ACAD10: variants seen among roughly 807,000 people sequenced by gnomAD.
ACAD10 encodes the protein ACAD-10.
In ACAD10, 112 loss-of-function variants were observed where a neutral mutation model predicts 116.8. That is an observed-to-expected ratio of 0.96 (90% CI 0.82 to 1.12). The LOEUF (loss-of-function observed/expected upper bound fraction) is 1.12, where lower values mean the gene tolerates loss of function less well. Ranked by LOEUF, ACAD10 falls within the 50% of genes most tolerant of loss-of-function variation. The pLI, the probability that ACAD10 is intolerant of heterozygous loss-of-function variation, is 0.00. For missense variants in ACAD10, 1,259 were observed against 1,350.2 expected (o/e 0.93, Z 1.06); for synonymous variants, 486 against 510.6 (o/e 0.95, Z 0.65).
In ACAD10 at chr12:111,724,246, TGGC is replaced by T. The variant is rs551238775; in HGVS notation, c.1061+2511_1061+2513del. On this transcript the variant is annotated intron_variant, in intron 8 of 20. Coordinates refer to ENST00000313698, the MANE Select transcript of ACAD10 (RefSeq NM_025247.6). ...TGATGGCGTCACTTCCTAGATGTGA[TGGC>T]GGCCGGGAAGAGGTGCTCCTCACTT... Among the ~76,000 whole-genome samples the T allele has an allele frequency of 3.5e-3, 528 of 149,334 alleles. 2 individuals carry two copies. The highest frequency in any genetic ancestry group is 0.012 in the African/African-American group (488 of 40,116).
At position 111,736,978 on chromosome 12, in the gene ACAD10, A is replaced by G. The variant is rs528862156; in HGVS notation, c.1688A>G (p.Gln563Arg). 31 of 1,613,774 alleles carry G rather than the reference A, an allele frequency of 1.9e-5. No homozygotes were observed. In the East Asian group the frequency reaches 4.2e-4, roughly 22 times the overall value. ...TTTTTCCGTGTGGCTGCAATCCTAC[A>G]GGGAGTCTACAAGCGATCACTCACA... The part of the protein sequence containing the change: ...FSFFRVAAIL[Q>R]GVYKRSLTGQ... Residue 563 changes from glutamine to arginine, a missense_variant, in exon 12 of 21, where the codon CAG becomes CGG. Gln to Arg is a conservative substitution (Grantham distance 43). Transcript: ENST00000313698.
Position 111,736,957 on chromosome 12 carries a change from T to C in ACAD10, c.1667T>C (p.Phe556Ser), listed in dbSNP as rs757093336. ...AACTTCTATATGGCTTTTTCCTTTT[T>C]CCGTGTGGCTGCAATCCTACAGGGA... ...NWNFYMAFSF[F>S]RVAAILQGVY... is the part of the protein sequence containing the mutation. Residue 556 changes from phenylalanine (F) to serine (S), a missense_variant, in exon 12 of 21, where the codon TTC (phenylalanine) becomes TCC (serine). By Grantham distance (155) the Phe-to-Ser change is radical (BLOSUM62 -2). Coordinates refer to ENST00000313698, the MANE Select transcript of ACAD10 (RefSeq NM_025247.6). 34 of 1,613,926 alleles carry C rather than the reference T, an allele frequency of 2.1e-5. No individual in the cohort carries two copies. The highest frequency in any genetic ancestry group is 2.9e-5 in the Non-Finnish European group (34 of 1,179,974).
chr12:111,719,220 C>A (rs1017267230), intron 7 of ACAD10, among the ~76,000 whole-genome samples: 6 of 152,020 alleles, frequency 3.9e-5, no homozygotes, highest in African/African-American at 1.4e-4. Context: ...TAGTTTAATT[C>A]CATTGAAGTC....
At chr12:111,728,258 C>T in intron 9 of ACAD10, 115 bp downstream of exon 9, 3 of 1,026,304 alleles carry the variant, frequency 2.9e-6, no homozygotes, top group Non-Finnish European at 4.1e-6. Flanking sequence ...GTAAGGCAGA[C>T]TTAGCTTCTT....
At chr12:111,717,643 A>T (rs2135962423) in intron 7 of ACAD10, among the ~76,000 whole-genome samples, 1 of 151,168 alleles carries the variant, frequency 6.6e-6, no homozygotes, top group South Asian at 2.1e-4. Context: ...ATACCTCACT[A>T]TAATCTCGAA....
chr12:111,708,704 A>G (rs950033828), intron 4 of ACAD10, among the ~76,000 whole-genome samples: 3 of 152,048 alleles, frequency 2.0e-5, no homozygotes, highest in African/African-American at 7.2e-5. Context: ...GGTATTGGTT[A>G]TAGGCTATGT....
intron 8 of ACAD10, among the ~76,000 whole-genome samples, chr12:111,724,198 A>C (rs1889143632): frequency 6.7e-6 from 1 of 150,032 alleles, no homozygotes; most frequent in Non-Finnish European, 1.5e-5. Context: ...GGCCGGGCAG[A>C]GACGCTCCTC....
intron 9 of ACAD10, 132 bp downstream of exon 9, chr12:111,728,275 A>G: frequency 3.3e-6 from 3 of 911,394 alleles, no homozygotes; most frequent in Non-Finnish European, 4.7e-6. Flanking sequence ...TCTTCCTTGG[A>G]AATCCAGTTT....
chr12:111,728,981 C>T (rs926468517), intron 9 of ACAD10, among the ~76,000 whole-genome samples: 1 of 152,042 alleles, frequency 6.6e-6, no homozygotes, highest in Non-Finnish European at 1.5e-5. Context: ...GCAGCCAGCC[C>T]TCATGTAGTT....
chr12:111,736,892 G>GTAC lies in ACAD10; in HGVS notation c.1604_1606dup (p.Tyr535dup). 6.2e-7 allele frequency: 1 copy of GTAC among 1,614,190 alleles called. No homozygotes were observed. The highest frequency in any genetic ancestry group is 8.5e-7 in the Non-Finnish European group (1 of 1,180,026). Reference sequence around the variant, plus strand: ...CTGCTGCAGAGGAGTATTTCAGGATGTACTGTCTCCAAATGGGGCTCCCTC... The same window carrying GTAC: ...CTGCTGCAGAGGAGTATTTCAGGATGTACTACTGTCTCCAAATGGGGCTCCCTC... On this transcript the variant is annotated inframe_insertion, in exon 12 of 21. Coordinates refer to ENST00000313698, the MANE Select transcript of ACAD10 (RefSeq NM_025247.6).
At chr12:111,724,674 A>G (rs1006995183) in intron 8 of ACAD10, among the ~76,000 whole-genome samples, 3 of 150,532 alleles carry the variant, frequency 2.0e-5, no homozygotes, top group African/African-American at 7.3e-5. Flanking sequence ...CGTGCCTGCA[A>G]TTGCAGGCAC....
intron 7 of ACAD10, among the ~76,000 whole-genome samples, chr12:111,721,253 A>T (rs1033798775): frequency 1.8e-4 from 28 of 152,004 alleles, no homozygotes; most frequent in Non-Finnish European, 4.0e-4. Context: ...ATTTTAATTT[A>T]TGTACCATTT....
At chr12:111,689,156 A>G (rs371138461) in intron 1 of ACAD10, among the ~76,000 whole-genome samples, 1 of 152,200 alleles carries the variant, frequency 6.6e-6, no homozygotes, top group East Asian at 1.9e-4. Context: ...ATGCCACCGC[A>G]TTCCAGCCTG....
At chr12:111,721,254 T>C (rs959648973) in intron 7 of ACAD10, among the ~76,000 whole-genome samples, 2 of 152,198 alleles carry the variant, frequency 1.3e-5, no homozygotes, top group East Asian at 1.9e-4. Flanking sequence ...TTTTAATTTA[T>C]GTACCATTTT....
At chr12:111,701,403 CA>C (rs755075754) in intron 2 of ACAD10, among the ~76,000 whole-genome samples, 41,510 of 151,748 alleles carry the variant, frequency 0.27, 7,471 homozygotes, top group East Asian at 0.9. Flanking sequence ...CACCTGTAAT[CA>C]CACACAGTAC....
chr12:111,705,894 A>G lies in ACAD10; in HGVS notation c.493A>G (p.Lys165Glu). The change falls in exon 4 of 21, where the codon AAA (lysine) becomes GAA (glutamate). Residue 165 changes from lysine (K) to glutamate (E), a missense_variant. Lys to Glu is a moderately conservative substitution (Grantham distance 56). Coordinates refer to ENST00000313698, the MANE Select transcript of ACAD10 (RefSeq NM_025247.6). ...LSNNFYLPNQ[K>E]SFLPLDRKQF... Reference sequence around the variant, plus strand: ...CAATAATTTTTATCTTCCCAACCAGAAAAGCTTTTTGCCCCTGGACCGGAA... The same window carrying G: ...CAATAATTTTTATCTTCCCAACCAGGAAAGCTTTTTGCCCCTGGACCGGAA... 6.2e-7 allele frequency: 1 copy of G among 1,614,152 alleles called. No homozygotes were observed. Among genetic ancestry groups the G allele is most frequent in the Non-Finnish European group, 8.5e-7 (1 of 1,180,036 alleles).
intron 3 of ACAD10, 30 bp downstream of exon 3, chr12:111,702,340 A>G (rs954111003): frequency 1.9e-6 from 3 of 1,604,090 alleles, no homozygotes; most frequent in Non-Finnish European, 2.5e-6. Flanking sequence ...ACATTTCCAT[A>G]TTTTTCTTTT....
chr12:111,756,217 A>C (rs1396664440), intron 20 of ACAD10, 116 bp from the exon 21 acceptor site: 53 of 1,452,174 alleles, frequency 3.6e-5, no homozygotes, highest in Non-Finnish European at 4.5e-5. Context: ...CATAGGTGCC[A>C]CAGGGAAGTC....
intron 8 of ACAD10, 90 bp from the exon 9 acceptor site, chr12:111,727,872 C>A: frequency 7.4e-7 from 1 of 1,345,252 alleles, no homozygotes; most frequent in Non-Finnish European, 1.0e-6. Context: ...AACCTGTATA[C>A]CCAGGGAAAG....
Sources: allele counts gnomAD v4.1 joint callset (sites outside exome capture counted in the v4.1 genomes callset), GRCh38; gene constraint gnomAD v4.1.1; transcripts MANE v1.5; gene names NCBI Gene and HGNC (gene_info 2026-07-23, HGNC 2026-07-21).